Variants in SETBP1 observed in about 807,000 individuals in gnomAD.
The protein encoded by SETBP1 is SET binding protein 1, also known as SET-binding protein.
A neutral mutation model predicts 101.0 loss-of-function variants in SETBP1; 9 were observed. That is an observed-to-expected ratio of 0.09 (90% CI 0.05 to 0.16). The LOEUF is 0.16. Ranked by LOEUF, SETBP1 falls within the 10% of genes least tolerant of loss-of-function variation. The pLI, the probability that SETBP1 is intolerant of heterozygous loss-of-function variation, is 1.00. For missense variants in SETBP1, 1,858 were observed against 2,033.8 expected, an observed-to-expected ratio of 0.91 and a Z score of 1.66; for synonymous variants, 818 against 788.5, an observed-to-expected ratio of 1.04 and a Z score of -0.63.
rs548343914 is a variant in SETBP1 at position 44,882,039 on chromosome 18, G to A, written c.540+12756G>A. Among the ~76,000 whole-genome samples the A allele has an allele frequency of 3.9e-5, 6 of 152,240 alleles. No individual in the cohort carries two copies. The South Asian group carries it at 1.2e-3, about 32-fold the overall frequency. On this transcript the variant is annotated intron_variant, in intron 3 of 5. Coordinates refer to ENST00000649279, the MANE Select transcript of SETBP1 (RefSeq NM_015559.3). ...TTAAGCATTAAATACTGACAAATGG[G>A]GGTGCGGGGGTTTTCATTGTCTCCC...
chr18:44,692,641 G>A (rs1372318253), intron 1 of SETBP1, among the ~76,000 whole-genome samples: 1 of 152,156 alleles, frequency 6.6e-6, no homozygotes, highest in African/African-American at 2.4e-5. Context: ...AGAGCAGAAT[G>A]ACCAGGGAAG....
At chr18:44,850,457 G>A (rs1055755055) in intron 2 of SETBP1, among the ~76,000 whole-genome samples, 2 of 150,262 alleles carry the variant, frequency 1.3e-5, no homozygotes, top group African/African-American at 2.5e-5. Context: ...TACAACCTCC[G>A]CCTCCCTGGT....
At chr18:44,724,754 T>C (rs574051227) in intron 2 of SETBP1, among the ~76,000 whole-genome samples, 23 of 152,240 alleles carry the variant, frequency 1.5e-4, no homozygotes, top group Non-Finnish European at 3.1e-4. Context: ...AGGCCCAGGA[T>C]TGAAATATTT....
At chr18:44,846,719 G>A (rs2072731786) in intron 2 of SETBP1, among the ~76,000 whole-genome samples, 1 of 152,218 alleles carries the variant, frequency 6.6e-6, no homozygotes, top group Admixed American at 6.5e-5. Flanking sequence ...ACATTCTAGA[G>A]TAATCTTCCA....
chr18:44,902,944 A>AT (rs1009408358), intron 3 of SETBP1, among the ~76,000 whole-genome samples: 2 of 152,020 alleles, frequency 1.3e-5, no homozygotes, highest in Non-Finnish European at 1.5e-5. Context: ...ACTATATAAT[A>AT]TTTTTTTAAA....
chr18:44,689,031 A>G (rs1337624310), intron 1 of SETBP1, among the ~76,000 whole-genome samples: 1 of 152,228 alleles, frequency 6.6e-6, no homozygotes, highest in African/African-American at 2.4e-5. Context: ...AATGGAAAGC[A>G]TTCTTCTGCA....
chr18:44,768,137 A>G (rs1350141981), intron 2 of SETBP1, among the ~76,000 whole-genome samples: 1 of 152,206 alleles, frequency 6.6e-6, no homozygotes, highest in African/African-American at 2.4e-5. Flanking sequence ...AAGATCTTGT[A>G]GAGTCTGGGC....
chr18:44,856,077 T>C (rs918518539), intron 2 of SETBP1, among the ~76,000 whole-genome samples: 9 of 149,614 alleles, frequency 6.0e-5, no homozygotes, highest in African/African-American at 2.2e-4. Context: ...TTTCAGTCTG[T>C]AGAATGAGGT....
At chr18:44,845,674 A>C (rs1428547613) in intron 2 of SETBP1, among the ~76,000 whole-genome samples, 1 of 152,140 alleles carries the variant, frequency 6.6e-6, no homozygotes, top group Non-Finnish European at 1.5e-5. Context: ...GCCTTTCCCC[A>C]TGGGCAGCTG....
intron 3 of SETBP1, among the ~76,000 whole-genome samples, chr18:44,947,947 G>A (rs188919948): frequency 6.6e-6 from 1 of 152,330 alleles, no homozygotes; most frequent in Non-Finnish European, 1.5e-5. Flanking sequence ...TAAACACAGA[G>A]TGCCAGCTAA....
chr18:44,971,554 T>G (rs943020983), intron 4 of SETBP1, among the ~76,000 whole-genome samples: 10 of 152,384 alleles, frequency 6.6e-5, no homozygotes, highest in African/African-American at 2.4e-4. Context: ...CCTGACTTTT[T>G]AATGATCGCC....
intron 5 of SETBP1, among the ~76,000 whole-genome samples, chr18:45,056,582 C>T (rs908292204): frequency 6.6e-6 from 1 of 152,150 alleles, no homozygotes; most frequent in Non-Finnish European, 1.5e-5. Flanking sequence ...GAATGTGCAC[C>T]CCACTTGGGA....
At chr18:44,719,298 C>G (rs887765586) in intron 2 of SETBP1, among the ~76,000 whole-genome samples, 1 of 152,150 alleles carries the variant, frequency 6.6e-6, no homozygotes, top group Non-Finnish European at 1.5e-5. Flanking sequence ...CACGCGAGAG[C>G]TGACCACTTC....
intron 3 of SETBP1, among the ~76,000 whole-genome samples, chr18:44,872,774 G>A (rs2069308352): frequency 6.6e-6 from 1 of 152,270 alleles, no homozygotes; most frequent in Admixed American, 6.5e-5. Flanking sequence ...GGGGAATGTG[G>A]TAAGGAAATA....
At chr18:45,056,402 C>T (rs1283013068) in intron 5 of SETBP1, among the ~76,000 whole-genome samples, 1 of 152,210 alleles carries the variant, frequency 6.6e-6, no homozygotes, top group Non-Finnish European at 1.5e-5. Context: ...GAATCTCATG[C>T]CCAAGTGTGA....
intron 5 of SETBP1, among the ~76,000 whole-genome samples, chr18:45,042,955 C>T (rs1419829361): frequency 1.3e-5 from 2 of 152,128 alleles, no homozygotes; most frequent in East Asian, 3.8e-4. Flanking sequence ...TTCAAGGGAG[C>T]ATTGCATCAT....
At chr18:44,901,378 T>C (rs2070041225) in intron 3 of SETBP1, among the ~76,000 whole-genome samples, 1 of 152,254 alleles carries the variant, frequency 6.6e-6, no homozygotes, top group African/African-American at 2.4e-5. Context: ...TTTGAGCTTC[T>C]AGCTTTTGAA....
intron 1 of SETBP1, 108 bp from the exon 2 acceptor site, chr18:44,701,067 T>C (rs2069107714): frequency 3.0e-6 from 1 of 336,078 alleles, no homozygotes; most frequent in African/African-American, 2.1e-5. Flanking sequence ...ATCATTTCTT[T>C]TTTCCGGATG....
intron 2 of SETBP1, among the ~76,000 whole-genome samples, chr18:44,844,662 G>C (rs1329486113): frequency 2.6e-5 from 4 of 152,034 alleles, no homozygotes; most frequent in African/African-American, 9.7e-5. Context: ...TTTCCTGCAG[G>C]CTCTTACCAA....
Sources: gnomAD v4.1 joint callset for allele counts (sites outside exome capture counted in the v4.1 genomes callset) on GRCh38, gnomAD v4.1.1 for gene constraint, MANE v1.5 for transcripts, NCBI Gene and HGNC (gene_info 2026-07-23, HGNC 2026-07-21) for gene names.